Variants in RAB11FIP2 observed in about 807,000 individuals in gnomAD.
The protein encoded by RAB11FIP2 is RAB11 family interacting protein 2, also known as rab11 family-interacting protein 2.
Under a neutral mutation model 40.9 loss-of-function variants are expected in RAB11FIP2, and 16 were observed. That is an observed-to-expected ratio of 0.39 (90% CI 0.26 to 0.59). The LOEUF is 0.59. Among genes scored for constraint, RAB11FIP2 ranks in the 20% least tolerant of loss-of-function variants. The pLI is 0.53. For missense variants in RAB11FIP2, 532 were observed against 606.2 expected (o/e 0.88, Z 1.28); for synonymous variants, 228 against 213.7 (o/e 1.07, Z -0.58).
intron 3 of RAB11FIP2, among the ~76,000 whole-genome samples, chr10:118,038,351 C>T (rs983269670): frequency 1.2e-4 from 18 of 151,682 alleles, no homozygotes; most frequent in Admixed American, 7.9e-4. Context: ...TAACTGAAAA[C>T]TCAAAGTTGG....
At chr10:118,042,906 G>C (rs571180605) in intron 1 of RAB11FIP2, among the ~76,000 whole-genome samples, 2 of 152,104 alleles carry the variant, frequency 1.3e-5, no homozygotes, top group African/African-American at 4.8e-5. Flanking sequence ...AACTTTAGTT[G>C]CTTTGTTTTG....
At chr10:118,031,504 GAGGAAGGTATGATACAAGCAC>G (rs1846413162) in intron 3 of RAB11FIP2, among the ~76,000 whole-genome samples, 1 of 151,982 alleles carries the variant, frequency 6.6e-6, no homozygotes, top group Non-Finnish European at 1.5e-5. Flanking sequence ...TGTACCTCCT[GAGGAAGGTATGATACAAGCAC>G]AGACAGGAAT....
At chr10:118,015,389 C>T (rs183642269) in intron 3 of RAB11FIP2, among the ~76,000 whole-genome samples, 3 of 152,234 alleles carry the variant, frequency 2.0e-5, no homozygotes, top group African/African-American at 7.2e-5. Context: ...CACTTTTATC[C>T]AGCAAGATAT....
rs1299377668 is a variant in RAB11FIP2 at position 118,046,021 on chromosome 10, G to C, written c.143C>G (p.Ser48Cys). ...TIIQLGKEKYSTSVAEKTLEP... is the reference protein window; with the variant it reads ...TIIQLGKEKYCTSVAEKTLEP... Reference sequence around the variant, plus strand: ...AAGGGTTTTCTCAGCTACAGAGGTGGAGTACTTTTCCTTGCCCAGCTGAAT... The same window carrying C: ...AAGGGTTTTCTCAGCTACAGAGGTGCAGTACTTTTCCTTGCCCAGCTGAAT... Residue 48 changes from serine to cysteine, a missense_variant, in exon 1 of 5, where the codon TCC (serine) becomes TGC (cysteine). Physicochemically the swap from Ser to Cys is moderately radical, Grantham distance 112. Coordinates refer to ENST00000355624, the MANE Select transcript of RAB11FIP2 (RefSeq NM_014904.3). The C allele has an allele frequency of 6.2e-7, 1 of 1,614,212 alleles. No individual in the cohort carries two copies. Among genetic ancestry groups the C allele is most frequent in the Non-Finnish European group, 8.5e-7 (1 of 1,180,038 alleles).
In RAB11FIP2 at chr10:118,040,250, C is replaced by T. The variant is rs62641701; in HGVS notation, c.669G>A (p.Ser223=). The T allele has an allele frequency of 9.8e-4, 1,580 of 1,613,778 alleles. 24 individuals are homozygous for T. The African/African-American group carries it at 0.018, about 19-fold the overall frequency. Residue 223 remains serine (S), a synonymous_variant, in exon 2 of 5, where the codon TCG becomes TCA. Coordinates refer to ENST00000355624, the MANE Select transcript of RAB11FIP2 (RefSeq NM_014904.3). ...ATAAATCAGACATTGAATGCGCTGA[C>T]GAGAGTCGCTGAGGACCCAAGAGAA... ...KPFLLGPQRL[S]SAHSMSDLSG... is the part of the protein sequence containing the mutation.
intron 1 of RAB11FIP2, among the ~76,000 whole-genome samples, chr10:118,045,013 A>AT (rs1436030119): frequency 6.6e-6 from 1 of 152,094 alleles, no homozygotes; most frequent in Non-Finnish European, 1.5e-5. Flanking sequence ...TTATATTATG[A>AT]TTTTTTAAAT....
Position 118,039,438 on chromosome 10 carries a change from T to C in RAB11FIP2, c.799A>G (p.Ser267Gly), listed in dbSNP as rs760047642. 4 of 1,608,556 alleles carry C rather than the reference T, an allele frequency of 2.5e-6. No homozygotes were observed. The South Asian group carries it at 3.3e-5, about 13-fold the overall frequency. ...DSFGTVPESGSLKSPHRRTLS... is the reference protein window; with the variant it reads ...DSFGTVPESGGLKSPHRRTLS... ...GTTCTTCTGTGTGGAGATTTGAGAC[T>C]TCCTACAAACAATTTTGTAGTTAGT... Residue 267 changes from serine (S) to glycine (G), a missense_variant and splice_region_variant, in exon 3 of 5, where the codon AGT (serine) becomes GGT (glycine). Transcript: ENST00000355624.
At chr10:118,009,264 C>T (rs1271214149) in intron 4 of RAB11FIP2, 39 bp from the exon 5 acceptor site, 3 of 1,516,380 alleles carry the variant, frequency 2.0e-6, no homozygotes, top group Non-Finnish European at 2.7e-6. Flanking sequence ...ATAGATATAA[C>T]ATCTGGGACA....
chr10:118,012,891 T>C (rs1369018066), intron 4 of RAB11FIP2, among the ~76,000 whole-genome samples: 1 of 152,082 alleles, frequency 6.6e-6, no homozygotes, highest in African/African-American at 2.4e-5. Flanking sequence ...CCTTTTCTCA[T>C]TTCTACTCCA....
At chr10:118,035,781 A>G (rs1226467342) in intron 3 of RAB11FIP2, among the ~76,000 whole-genome samples, 1 of 152,140 alleles carries the variant, frequency 6.6e-6, no homozygotes, top group Non-Finnish European at 1.5e-5. Context: ...AGACTTACGT[A>G]AGAAAATGCT....
intron 3 of RAB11FIP2, among the ~76,000 whole-genome samples, chr10:118,031,048 C>CT (rs1657165324): frequency 6.6e-6 from 1 of 152,074 alleles, no homozygotes; most frequent in South Asian, 2.1e-4. Context: ...TAAAAATCAT[C>CT]TCAAAAGTTT....
In RAB11FIP2 at chr10:118,015,129, AT is replaced by A; in HGVS notation, c.1266-20del. The A allele has an allele frequency of 1.3e-6, 2 of 1,593,060 alleles. No homozygotes were observed. Among genetic ancestry groups the A allele is most frequent in the Non-Finnish European group, 1.7e-6 (2 of 1,166,080 alleles). On this transcript the variant is annotated intron_variant, in intron 3 of 4. Transcript: ENST00000355624. Reference sequence around the variant, plus strand: ...ATGAAAACTAATAAAACACAAACAAATGTTAAAAGTGTCATAACTCATGTGG... The same window carrying A: ...ATGAAAACTAATAAAACACAAACAAAGTTAAAAGTGTCATAACTCATGTGG...
rs752241006 is a variant in RAB11FIP2, at chr10:118,045,944, G to A, written c.220C>T (p.Gln74Ter). The change falls in exon 1 of 5, where the codon CAG becomes TAG. Residue 74 changes from glutamine to a stop codon, truncating the protein, a stop_gained. Transcript: ENST00000355624. LOFTEE classifies it high-confidence loss of function. ...ASFELPGLLI[Q>*]GSPEKYILFL... ...AGAATGTATTTCTCTGGACTTCCCT[G>A]AATTAGCAATCCAGGTAGCTCGAAA... is the stretch of plus-strand genomic sequence containing the variant. 1 of 1,614,192 alleles carries A rather than the reference G, an allele frequency of 6.2e-7. No homozygotes were observed. Among genetic ancestry groups the A allele is most frequent in the South Asian group, 1.1e-5 (1 of 91,084 alleles).
At chr10:118,031,030 AAT>A (rs1204642527) in intron 3 of RAB11FIP2, among the ~76,000 whole-genome samples, 4 of 152,150 alleles carry the variant, frequency 2.6e-5, no homozygotes, top group African/African-American at 9.7e-5. Context: ...CTAATGGATT[AAT>A]GGGTCTAAAA....
At chr10:118,012,021 T>C (rs1846161841) in intron 4 of RAB11FIP2, among the ~76,000 whole-genome samples, 1 of 152,020 alleles carries the variant, frequency 6.6e-6, no homozygotes, top group Non-Finnish European at 1.5e-5. Context: ...TATTACCAGT[T>C]AATGTAGTTA....
At chr10:118,019,657 A>G (rs577158357) in intron 3 of RAB11FIP2, among the ~76,000 whole-genome samples, 1 of 152,096 alleles carries the variant, frequency 6.6e-6, no homozygotes, top group African/African-American at 2.4e-5. Context: ...CCCCGTCTCT[A>G]CTAAAAATAC....
rs372972212 is a variant in RAB11FIP2, at chr10:118,042,831, C to T, written c.354-2266G>A. On this transcript the variant is annotated intron_variant, in intron 1 of 4. Coordinates refer to ENST00000355624, the MANE Select transcript of RAB11FIP2 (RefSeq NM_014904.3). ...AATACACTATAATGTCCATTCCCCACCCCCCAAAAAAAACTGCAAAGAACT... is the reference window on the plus strand; with the variant it reads ...AATACACTATAATGTCCATTCCCCATCCCCCAAAAAAAACTGCAAAGAACT... Among the ~76,000 whole-genome samples, 34 of 151,756 alleles carry T rather than the reference C, an allele frequency of 2.2e-4. 1 individual carries two copies. Among genetic ancestry groups the T allele is most frequent in the South Asian group, 1.0e-3 (5 of 4,800 alleles).
intron 4 of RAB11FIP2, 107 bp downstream of exon 4, chr10:118,014,958 G>A (rs1846198598): frequency 1.1e-6 from 1 of 896,688 alleles, no homozygotes; most frequent in Non-Finnish European, 1.7e-6. Flanking sequence ...ACAATTCTTA[G>A]GTAAGTGAGG....
Position 118,045,832 on chromosome 10 carries a change from T to C in RAB11FIP2, c.332A>G (p.Asp111Gly). Residue 111 changes from aspartate to glycine, a missense_variant, in exon 1 of 5, where the codon GAC (aspartate) becomes GGC (glycine). Transcript: ENST00000355624. ...TTACTCTGTTTTCCTTCTTTGTTTG[T>C]CCTCAAAGATGTCATTGAGATTGAT... Reference protein sequence around the residue: ...VAINLNDIFEDKQRRKTEWFR... With the variant: ...VAINLNDIFEGKQRRKTEWFR... 6 of 1,607,092 alleles carry C rather than the reference T, an allele frequency of 3.7e-6. No individual in the cohort carries two copies. Among genetic ancestry groups the C allele is most frequent in the East Asian group, 4.5e-5 (2 of 44,826 alleles).
Sources: allele counts gnomAD v4.1 joint callset (sites outside exome capture counted in the v4.1 genomes callset), GRCh38; gene constraint gnomAD v4.1.1; transcripts MANE v1.5; gene names NCBI Gene and HGNC (gene_info 2026-07-23, HGNC 2026-07-21).